STAG1: variants seen among roughly 807,000 people sequenced by gnomAD.
The protein encoded by STAG1 is cohesin subunit SA-1.
A neutral mutation model predicts 170.9 loss-of-function variants in STAG1; 26 were observed. That is an observed-to-expected ratio of 0.15 (90% CI 0.11 to 0.21). The LOEUF (loss-of-function observed/expected upper bound fraction) is 0.21, where lower values mean the gene tolerates loss of function less well. STAG1 is among the 10% of genes least tolerant of loss of function. The pLI, the probability that STAG1 is intolerant of heterozygous loss-of-function variation, is 1.00. For synonymous variants in STAG1, 514 were observed against 497.7 expected (o/e 1.03, Z -0.44); for missense variants, 964 against 1,509.5 (o/e 0.64, Z 5.99).
At chr3:136,594,317 A>T (rs918826625) in intron 4 of STAG1, among the ~76,000 whole-genome samples, 3 of 152,190 alleles carry the variant, frequency 2.0e-5, no homozygotes, top group African/African-American at 7.2e-5. Context: ...GGCTAGAAGA[A>T]ACCAATGTCA....
At chr3:136,632,835 C>T (rs776004093) in intron 1 of STAG1, among the ~76,000 whole-genome samples, 2 of 152,056 alleles carry the variant, frequency 1.3e-5, no homozygotes, top group Non-Finnish European at 2.9e-5. Flanking sequence ...AATGGCCAGG[C>T]TATTTATTGC....
At chr3:136,694,051 C>T (rs138029554) in intron 1 of STAG1, among the ~76,000 whole-genome samples, 2 of 152,250 alleles carry the variant, frequency 1.3e-5, no homozygotes, top group East Asian at 3.9e-4. Context: ...CACAGGAAAG[C>T]CAGAATTTTC....
chr3:136,363,309 A>C, intron 26 of STAG1, 57 bp downstream of exon 26: 1 of 903,608 alleles, frequency 1.1e-6, no homozygotes, highest in Non-Finnish European at 1.8e-6. Context: ...TATTAAGCAC[A>C]GAGAAGTGCA....
At chr3:136,560,165 T>TCCGGAACTTCTCTGTTAGGCAC (rs1936783687) in intron 5 of STAG1, among the ~76,000 whole-genome samples, 1 of 152,188 alleles carries the variant, frequency 6.6e-6, no homozygotes, top group Non-Finnish European at 1.5e-5. Flanking sequence ...CCCTGAGGCA[T>TCCGGAACTTCTCTGTTAGGCAC]CCGGAACTTC....
intron 20 of STAG1, among the ~76,000 whole-genome samples, chr3:136,419,946 C>T (rs1385761835): frequency 6.6e-6 from 1 of 151,736 alleles, no homozygotes; most frequent in African/African-American, 2.4e-5. Context: ...AAATTTTATA[C>T]CTTAAGTAAT....
intron 1 of STAG1, among the ~76,000 whole-genome samples, chr3:136,678,328 C>T (rs1165253499): frequency 3.3e-5 from 5 of 150,890 alleles, no homozygotes; most frequent in African/African-American, 7.3e-5. Context: ...TATAGAAACA[C>T]ATCAATATAT....
chr3:136,714,942 TATATATATATATATA>T, intron 1 of STAG1, among the ~76,000 whole-genome samples: 1 of 35,802 alleles, frequency 2.8e-5, no homozygotes, highest in African/African-American at 1.0e-4. Flanking sequence ...ATATTAAATA[TATATATATATATATA>T]TATATATTTT....
chr3:136,445,173 G>C (rs1056648868), intron 14 of STAG1, among the ~76,000 whole-genome samples: 1 of 152,032 alleles, frequency 6.6e-6, no homozygotes, highest in African/African-American at 2.4e-5. Context: ...AACATGTCCT[G>C]GTGAATTCCA....
chr3:136,495,155 T>A (rs1210720580), intron 9 of STAG1, among the ~76,000 whole-genome samples: 1 of 152,180 alleles, frequency 6.6e-6, no homozygotes, highest in East Asian at 1.9e-4. Flanking sequence ...TATGGTCAAT[T>A]CATCTTCAAG....
chr3:136,677,946 A>G (rs1942189931), intron 1 of STAG1, among the ~76,000 whole-genome samples: 1 of 147,444 alleles, frequency 6.8e-6, no homozygotes, highest in African/African-American at 2.5e-5. Context: ...TATATATTAT[A>G]TTTTATATAT....
At chr3:136,555,261 T>C (rs539217100) in intron 5 of STAG1, among the ~76,000 whole-genome samples, 298 of 151,900 alleles carry the variant, frequency 2.0e-3, no homozygotes, top group African/African-American at 6.8e-3. Flanking sequence ...CCTGTAGTCC[T>C]AGCTACCTGG....
At chr3:136,456,324 T>A (rs1383182401) in intron 13 of STAG1, among the ~76,000 whole-genome samples, 1 of 152,204 alleles carries the variant, frequency 6.6e-6, no homozygotes, top group Middle Eastern at 3.4e-3. Context: ...AAACAATTTT[T>A]AAAAATCAAA....
At chr3:136,381,054 A>T (rs895771361) in intron 22 of STAG1, among the ~76,000 whole-genome samples, 2 of 151,044 alleles carry the variant, frequency 1.3e-5, no homozygotes, top group Admixed American at 1.3e-4. Flanking sequence ...AAAAAAAAAG[A>T]AACATAGGAA....
At chr3:136,715,305 A>G (rs993107704) in intron 1 of STAG1, among the ~76,000 whole-genome samples, 2 of 151,140 alleles carry the variant, frequency 1.3e-5, no homozygotes, top group East Asian at 2.0e-4. Context: ...GAGCCACTGC[A>G]CCAGGGCTAG....
intron 1 of STAG1, among the ~76,000 whole-genome samples, chr3:136,739,958 T>C (rs1306843346): frequency 1.3e-5 from 2 of 152,206 alleles, no homozygotes; most frequent in Non-Finnish European, 2.9e-5. Context: ...ACGGGATAGA[T>C]ACAGAGGATA....
intron 1 of STAG1, among the ~76,000 whole-genome samples, chr3:136,684,596 C>G (rs938868100): frequency 6.6e-6 from 1 of 151,468 alleles, no homozygotes; most frequent in Non-Finnish European, 1.5e-5. Flanking sequence ...CTAAAAAATA[C>G]AAAAATTAGC....
chr3:136,623,353 A>T, intron 2 of STAG1, 105 bp from the exon 3 acceptor site: 2 of 922,168 alleles, frequency 2.2e-6, no homozygotes, highest in Non-Finnish European at 3.2e-6. Flanking sequence ...GAAGTGGTTT[A>T]TACTTCTACT....
At chr3:136,565,657 C>T (rs897923170) in intron 5 of STAG1, among the ~76,000 whole-genome samples, 14 of 152,136 alleles carry the variant, frequency 9.2e-5, no homozygotes, top group African/African-American at 3.1e-4. Flanking sequence ...ATTATACGAC[C>T]TAGCAATTCT....
intron 9 of STAG1, among the ~76,000 whole-genome samples, chr3:136,498,763 C>A (rs536292010): frequency 3.3e-5 from 5 of 150,892 alleles, no homozygotes; most frequent in African/African-American, 1.2e-4. Context: ...ACAAATATAT[C>A]AATAACATGT....
Sources: allele counts gnomAD v4.1 joint callset (sites outside exome capture counted in the v4.1 genomes callset), GRCh38; gene constraint gnomAD v4.1.1; transcripts MANE v1.5; gene names NCBI Gene and HGNC (gene_info 2026-07-23, HGNC 2026-07-21).